Variants in CNOT6L observed in about 807,000 individuals in gnomAD.
The protein encoded by CNOT6L is CCR4-NOT transcription complex subunit 6 like.
In CNOT6L, 7 loss-of-function variants were observed where a neutral mutation model predicts 64.0. That is an observed-to-expected ratio of 0.11 (90% CI 0.06 to 0.21). CNOT6L has a LOEUF of 0.21. Ranked by LOEUF, CNOT6L falls within the 10% of genes least tolerant of loss-of-function variation. The pLI, the probability that CNOT6L is intolerant of heterozygous loss-of-function variation, is 1.00. For synonymous variants in CNOT6L, 193 were observed against 243.4 expected (o/e 0.79, Z 1.93); for missense variants, 245 against 669.0 (o/e 0.37, Z 6.99).
chr4:77,812,930 G>A (rs1213823943), intron 1 of CNOT6L, among the ~76,000 whole-genome samples: 1 of 152,106 alleles, frequency 6.6e-6, no homozygotes, highest in Non-Finnish European at 1.5e-5. Flanking sequence ...ACTTTGAGAG[G>A]TTTGAGGACT....
intron 1 of CNOT6L, among the ~76,000 whole-genome samples, chr4:77,779,717 T>A (rs1454364494): frequency 1.3e-5 from 2 of 152,212 alleles, no homozygotes; most frequent in East Asian, 3.9e-4. Flanking sequence ...ATCCCAGCAC[T>A]TTGGGAGGCC....
Position 77,816,105 on chromosome 4 carries a change from A to T in CNOT6L, c.5+3199T>A, listed in dbSNP as rs143190616. 4.2e-3 allele frequency among the ~76,000 whole-genome samples: 644 copies of T among 152,312 alleles called. 7 individuals carry two copies. The highest frequency in any genetic ancestry group is 0.015 in the African/African-American group (623 of 41,568). ...CCATTTAAGTAACATTAACTTTTAA[A>T]ATCTAAACAAGTTTCCACCTTGATT... On this transcript the variant is annotated intron_variant, in intron 1 of 11. Transcript: ENST00000504123.
rs748555742 is a variant in CNOT6L at position 77,773,127 on chromosome 4, A to T, written c.354T>A (p.Pro118=). 6.2e-7 allele frequency: 1 copy of T among 1,601,702 alleles called. No homozygotes were observed. Among genetic ancestry groups the T allele is most frequent in the Non-Finnish European group, 8.5e-7 (1 of 1,176,680 alleles). Reference sequence around the variant, plus strand: ...GCTGGAAGAGCCGACCAAGTTCATAAGGCAAAACCCGTAACAGATTGTTAT... The same window carrying T: ...GCTGGAAGAGCCGACCAAGTTCATATGGCAAAACCCGTAACAGATTGTTAT... ...LLNNNLLRVL[P]YELGRLFQLQ... is the part of the protein sequence containing the mutation. The change falls in exon 4 of 12, where the codon CCT becomes CCA. Residue 118 remains proline (P), a synonymous_variant. Transcript: ENST00000504123.
chr4:77,798,350 C>G (rs1731119786), intron 1 of CNOT6L, among the ~76,000 whole-genome samples: 1 of 152,054 alleles, frequency 6.6e-6, no homozygotes, highest in Admixed American at 6.6e-5. Context: ...AAATAACCCA[C>G]ACACTGGGAA....
intron 8 of CNOT6L, among the ~76,000 whole-genome samples, chr4:77,736,714 G>A (rs1000020821): frequency 5.9e-5 from 9 of 151,782 alleles, no homozygotes; most frequent in Admixed American, 2.6e-4. Context: ...TGTCTCTTTC[G>A]ATACATTAGT....
rs1167227997 is a variant in CNOT6L at position 77,719,300 on chromosome 4, C to G, written c.*1131G>C. 1 of 152,538 alleles carries G rather than the reference C, an allele frequency of 6.6e-6. No homozygotes were observed. The highest frequency in any genetic ancestry group is 2.4e-5 in the African/African-American group (1 of 41,400). The allele number at this position is 152,538 out of a possible 1,614,324, so 9.4% of individuals were successfully genotyped here. ...AGACAACTGAAACAAAGATTAAAAG[C>G]ATATGATGGCCATTTGGCAGCTAGA... is the stretch of plus-strand genomic sequence containing the variant. On this transcript the variant is annotated 3_prime_UTR_variant, in exon 12 of 12. Coordinates refer to ENST00000504123, the MANE Select transcript of CNOT6L (RefSeq NM_144571.3).
intron 4 of CNOT6L, among the ~76,000 whole-genome samples, chr4:77,762,061 T>C (rs999450543): frequency 1.3e-5 from 2 of 152,100 alleles, no homozygotes; most frequent in East Asian, 1.9e-4. Context: ...AAAACTTTAT[T>C]TGAAAATAAA....
At chr4:77,794,360 A>T (rs1457763628) in intron 1 of CNOT6L, among the ~76,000 whole-genome samples, 1 of 152,022 alleles carries the variant, frequency 6.6e-6, no homozygotes, top group African/African-American at 2.4e-5. Context: ...CATGAACATA[A>T]ATGCAAATAA....
intron 6 of CNOT6L, among the ~76,000 whole-genome samples, chr4:77,747,415 G>A (rs1405540545): frequency 1.3e-5 from 2 of 152,104 alleles, no homozygotes; most frequent in African/African-American, 2.4e-5. Context: ...AGATCTGCCC[G>A]CCTTGGCCTC....
chr4:77,770,832 T>A (rs1190081673), intron 4 of CNOT6L, among the ~76,000 whole-genome samples: 1 of 152,184 alleles, frequency 6.6e-6, no homozygotes, highest in Non-Finnish European at 1.5e-5. Context: ...AACTACCATT[T>A]TAACTAGAAA....
chr4:77,779,790 T>C (rs1193668617), intron 1 of CNOT6L, among the ~76,000 whole-genome samples: 1 of 152,012 alleles, frequency 6.6e-6, no homozygotes, highest in Middle Eastern at 3.2e-3. Flanking sequence ...TGAAACCCCG[T>C]CTCTACCAAA....
chr4:77,767,800 G>A (rs1727017041), intron 4 of CNOT6L, among the ~76,000 whole-genome samples: 1 of 151,840 alleles, frequency 6.6e-6, no homozygotes, highest in Admixed American at 6.6e-5. Flanking sequence ...CCAAGATGGT[G>A]AAAACCCGTC....
rs552897846 is a variant in CNOT6L, at chr4:77,791,961, C to A, written c.6-15569G>T. On this transcript the variant is annotated intron_variant, in intron 1 of 11. Coordinates refer to ENST00000504123, the MANE Select transcript of CNOT6L (RefSeq NM_144571.3). The stretch of plus-strand genomic sequence containing the variant: ...AAAAGCATGTTTAAAAACAAGGATA[C>A]TTTACACTGTATTTACTCATCAGCT... Among the ~76,000 whole-genome samples the A allele has an allele frequency of 3.3e-5, 5 of 152,078 alleles. No individual in the cohort carries two copies. The East Asian group carries it at 9.6e-4, about 29-fold the overall frequency.
At chr4:77,814,821 A>T (rs1733377811) in intron 1 of CNOT6L, among the ~76,000 whole-genome samples, 1 of 152,214 alleles carries the variant, frequency 6.6e-6, no homozygotes, top group African/African-American at 2.4e-5. Context: ...AAACCTGCAC[A>T]ATCATAGAAT....
At chr4:77,811,794 C>T (rs1045238146) in intron 1 of CNOT6L, among the ~76,000 whole-genome samples, 6 of 151,520 alleles carry the variant, frequency 4.0e-5, no homozygotes, top group African/African-American at 1.2e-4. Flanking sequence ...CTGATAAAGG[C>T]TATTAATGAA....
Position 77,737,406 on chromosome 4 carries a change from C to CT in CNOT6L, c.872+4734dup, listed in dbSNP as rs56952956. 2.1e-3 allele frequency among the ~76,000 whole-genome samples: 169 copies of CT among 82,348 alleles called. 10 individuals carry two copies. The highest frequency in any genetic ancestry group is 6.0e-3 in the African/African-American group (126 of 21,130). 54.0% of individuals were successfully genotyped at this position (82,348 alleles called of 152,430 possible). ...AATAACATCCTATATTTGTACCGTT[C>CT]TTTTTTTTTTTTTTTTTTTTTTTTT... is the stretch of plus-strand genomic sequence containing the variant. On this transcript the variant is annotated intron_variant, in intron 8 of 11. Transcript: ENST00000504123.
In CNOT6L at chr4:77,773,173, TAA is replaced by T. The variant is rs77348463; in HGVS notation, c.315-9_315-8del. 11,043 of 1,243,980 alleles carry T rather than the reference TAA, an allele frequency of 8.9e-3. No individual in the cohort carries two copies. Among genetic ancestry groups the T allele is most frequent in the Admixed American group, 9.6e-3 (348 of 36,380 alleles). The allele number at this position is 1,243,980 out of a possible 1,614,324, so 77.1% of individuals were successfully genotyped here. A position where few individuals can be genotyped will look rare whatever the true frequency, so the allele number is the denominator to read the frequency against. ...GTTATTTAAAAGCAATTCCCTGTTT[TAA>T]AAAAAAAAAAAAAATTAGTTTAATA... On this transcript the variant is annotated splice_polypyrimidine_tract_variant and splice_region_variant and intron_variant, in intron 3 of 11. Transcript: ENST00000504123.
At chr4:77,776,957 C>T (rs763272711) in intron 1 of CNOT6L, among the ~76,000 whole-genome samples, 2 of 152,030 alleles carry the variant, frequency 1.3e-5, no homozygotes, top group Non-Finnish European at 2.9e-5. Flanking sequence ...CACGCAACAA[C>T]GATAAGGAAA....
chr4:77,757,720 G>C (rs1463361131), intron 4 of CNOT6L, among the ~76,000 whole-genome samples: 6 of 152,076 alleles, frequency 3.9e-5, no homozygotes, highest in Non-Finnish European at 5.9e-5. Flanking sequence ...AAATTTTTTT[G>C]AGACAGTCTC....
Sources: gnomAD v4.1 joint callset for allele counts (sites outside exome capture counted in the v4.1 genomes callset) on GRCh38, gnomAD v4.1.1 for gene constraint, MANE v1.5 for transcripts, NCBI Gene and HGNC (gene_info 2026-07-23, HGNC 2026-07-21) for gene names.